GRID2: variants seen among roughly 807,000 people sequenced by gnomAD.
The protein encoded by GRID2 is glutamate receptor ionotropic, delta-2.
GRID2 carries 33 observed loss-of-function variants against 114.8 expected under a neutral mutation model. The ratio of observed to expected loss-of-function variants is 0.29; its 90% CI spans 0.22 to 0.38. The LOEUF (loss-of-function observed/expected upper bound fraction) is 0.38. Ranked by LOEUF, GRID2 falls within the 10% of genes least tolerant of loss-of-function variation. GRID2 has a pLI of 1.00. For missense variants in GRID2, 1,184 were observed against 1,257.7 expected (o/e 0.94, Z 0.89); for synonymous variants, 505 against 449.9 (o/e 1.12, Z -1.55).
chr4:93,237,710 A>T (rs1279317610), intron 7 of GRID2, among the ~76,000 whole-genome samples: 1 of 151,934 alleles, frequency 6.6e-6, no homozygotes, highest in Non-Finnish European at 1.5e-5. Context: ...CTACATTGCC[A>T]TCTGTTGGAT....
chr4:92,449,273 G>T (rs1442064983), intron 1 of GRID2, among the ~76,000 whole-genome samples: 1 of 152,032 alleles, frequency 6.6e-6, no homozygotes, highest in African/African-American at 2.4e-5. Context: ...GTAATGCAAA[G>T]TTGATTTCCA....
At chr4:93,384,693 T>C (rs1764157175) in intron 8 of GRID2, among the ~76,000 whole-genome samples, 1 of 152,190 alleles carries the variant, frequency 6.6e-6, no homozygotes, top group Non-Finnish European at 1.5e-5. Flanking sequence ...TTTACACTAA[T>C]GCACGGTGGT....
At chr4:93,806,316 A>G (rs1464622125) in intron 1 of GRID2, among the ~76,000 whole-genome samples, 17 of 152,200 alleles carry the variant, frequency 1.1e-4, no homozygotes, top group Admixed American at 1.1e-3. Context: ...TTCATGTGTG[A>G]CTGTATATCG....
chr4:92,938,935 G>T (rs1365921007), intron 2 of GRID2, among the ~76,000 whole-genome samples: 1 of 147,052 alleles, frequency 6.8e-6, no homozygotes, highest in Non-Finnish European at 1.5e-5. Flanking sequence ...TGGTGTATAT[G>T]TGCCACATTG....
At chr4:92,700,577 A>T (rs184672632) in intron 2 of GRID2, among the ~76,000 whole-genome samples, 1 of 152,328 alleles carries the variant, frequency 6.6e-6, no homozygotes, top group East Asian at 1.9e-4. Flanking sequence ...AATTTACTCA[A>T]AATGAGTAAG....
At chr4:93,053,392 T>A (rs936032907) in intron 2 of GRID2, among the ~76,000 whole-genome samples, 5 of 151,936 alleles carry the variant, frequency 3.3e-5, no homozygotes, top group Non-Finnish European at 7.4e-5. Flanking sequence ...TGTATGTGTA[T>A]GCATGTGAAT....
chr4:93,059,309 A>G (rs1165231350), intron 2 of GRID2, among the ~76,000 whole-genome samples: 1 of 152,136 alleles, frequency 6.6e-6, no homozygotes, highest in East Asian at 1.9e-4. Flanking sequence ...AATTATTTGG[A>G]CAAATGAGTT....
At chr4:92,696,543 GAAGA>G (rs369550794) in intron 2 of GRID2, among the ~76,000 whole-genome samples, 3 of 152,074 alleles carry the variant, frequency 2.0e-5, no homozygotes, top group Non-Finnish European at 2.9e-5. Flanking sequence ...CTGAGTTTTT[GAAGA>G]AAGACAAAAA....
At chr4:92,845,137 G>T (rs886971393) in intron 2 of GRID2, among the ~76,000 whole-genome samples, 2 of 152,054 alleles carry the variant, frequency 1.3e-5, no homozygotes, top group African/African-American at 2.4e-5. Flanking sequence ...CCCCTGAAAG[G>T]TCTTGAAGAC....
chr4:92,565,582 T>C (rs1358143293), intron 1 of GRID2, among the ~76,000 whole-genome samples: 1 of 152,018 alleles, frequency 6.6e-6, no homozygotes, highest in African/African-American at 2.4e-5. Context: ...TATCTATTTA[T>C]CTATCCATTT....
In GRID2 at chr4:92,693,622, C is replaced by G. The variant is rs9999664; in HGVS notation, c.244+103336C>G. On this transcript the variant is annotated intron_variant, in intron 2 of 15. Transcript: ENST00000282020. ...CATCTTAAGTTAGAGAATACTGAGA[C>G]TCACAGACATTTAGGGACTGAAGTT... 1.4e-3 allele frequency among the ~76,000 whole-genome samples: 219 copies of G among 152,276 alleles called. 1 individual carries two copies. Among genetic ancestry groups the G allele is most frequent in the African/African-American group, 5.1e-3 (213 of 41,550 alleles).
At position 93,626,421 on chromosome 4, in the gene GRID2, T is replaced by C. The variant is rs371728091; in HGVS notation, c.2346T>C (p.Asp782=). Residue 782 remains aspartate (D), a synonymous_variant, in exon 14 of 16, where the codon GAT becomes GAC. Coordinates refer to ENST00000282020, the MANE Select transcript of GRID2 (RefSeq NM_001510.4). ...IALQHGSPYR[D]VFSQRILELQ... is the part of the protein sequence containing the mutation. ...TACAACATGGCAGTCCTTACCGAGA[T>C]GTTTTTTCACAAAGGTAAGATTTGT... 3.7e-6 allele frequency: 6 copies of C among 1,604,914 alleles called. No homozygotes were observed. The highest frequency in any genetic ancestry group is 5.1e-6 in the Non-Finnish European group (6 of 1,175,618).
rs578148832 is a variant in GRID2 at position 92,698,016 on chromosome 4, T to C, written c.244+107730T>C. The stretch of plus-strand genomic sequence containing the variant: ...AGTTGTACAACATCAATTAAATACA[T>C]CAACTCATTCTGAAAAAAGTTACTG... On this transcript the variant is annotated intron_variant, in intron 2 of 15. Coordinates refer to ENST00000282020, the MANE Select transcript of GRID2 (RefSeq NM_001510.4). Among the ~76,000 whole-genome samples the C allele has an allele frequency of 3.3e-5, 5 of 152,276 alleles. No individual in the cohort carries two copies. In the East Asian group the frequency reaches 9.6e-4, roughly 29 times the overall value.
intron 12 of GRID2, among the ~76,000 whole-genome samples, chr4:93,512,181 C>T (rs1729259866): frequency 6.6e-6 from 1 of 151,994 alleles, no homozygotes; most frequent in Non-Finnish European, 1.5e-5. Context: ...ATATTAGATG[C>T]CTATTAATGA....
At chr4:93,431,601 A>C (rs1393028026) in intron 10 of GRID2, among the ~76,000 whole-genome samples, 1 of 152,180 alleles carries the variant, frequency 6.6e-6, no homozygotes, top group East Asian at 1.9e-4. Flanking sequence ...GCCAGACTGC[A>C]AAAGATGATG....
intron 2 of GRID2, among the ~76,000 whole-genome samples, chr4:92,746,916 A>G (rs570314536): frequency 1.3e-5 from 2 of 152,164 alleles, no homozygotes; most frequent in East Asian, 3.9e-4. Flanking sequence ...AATCTTCACC[A>G]ATTAGGTAAG....
At chr4:93,155,518 A>T (rs1737095314) in intron 4 of GRID2, among the ~76,000 whole-genome samples, 1 of 152,004 alleles carries the variant, frequency 6.6e-6, no homozygotes, top group Non-Finnish European at 1.5e-5. Context: ...TGAATTCTGA[A>T]CTAAGCCGAC....
At chr4:92,641,443 A>AT (rs34458228) in intron 2 of GRID2, among the ~76,000 whole-genome samples, 4 of 149,474 alleles carry the variant, frequency 2.7e-5, no homozygotes, top group Admixed American at 1.3e-4. Flanking sequence ...CCTGGCCAAT[A>AT]TTTTTTTTTC....
chr4:93,781,352 C>A (rs543684991), intron 1 of GRID2, among the ~76,000 whole-genome samples: 1 of 151,514 alleles, frequency 6.6e-6, no homozygotes, highest in East Asian at 2.0e-4. Flanking sequence ...CACTGGGCTG[C>A]GGTGAGGGGC....
Sources: allele counts gnomAD v4.1 joint callset (sites outside exome capture counted in the v4.1 genomes callset), GRCh38; gene constraint gnomAD v4.1.1; transcripts MANE v1.5; gene names NCBI Gene and HGNC (gene_info 2026-07-23, HGNC 2026-07-21).